ZFP82: variants seen among roughly 807,000 people sequenced by gnomAD.
ZFP82 encodes the protein zinc finger protein 82 homolog.
A neutral mutation model predicts 54.0 loss-of-function variants in ZFP82; 30 were observed. The observed-to-expected ratio is 0.56, with a 90% CI of 0.42 to 0.75. ZFP82 has a LOEUF of 0.75. ZFP82 is among the 30% of genes least tolerant of loss of function. The probability of loss-of-function intolerance (pLI) is 0.00; values close to 1 mark genes in which losing one functional copy is unlikely to be tolerated. For synonymous variants in ZFP82, 194 were observed against 209.5 expected (o/e 0.93, Z 0.64); for missense variants, 500 against 636.8 (o/e 0.79, Z 2.31).
intron 1 of ZFP82, among the ~76,000 whole-genome samples, chr19:36,416,519 G>C (rs1179248280): frequency 1.3e-5 from 2 of 152,158 alleles, no homozygotes; most frequent in East Asian, 3.9e-4. Context: ...CACTTTGGGA[G>C]GCCAAGGCGG....
At chr19:36,407,727 T>A (rs1568489336) in intron 3 of ZFP82, among the ~76,000 whole-genome samples, 160 bp downstream of exon 3, 1 of 152,258 alleles carries the variant, frequency 6.6e-6, no homozygotes. Flanking sequence ...ATGTGCTTAA[T>A]GAAGGTGCTC....
intron 1 of ZFP82, among the ~76,000 whole-genome samples, chr19:36,416,688 G>A (rs982653787): frequency 6.6e-6 from 1 of 150,878 alleles, no homozygotes; most frequent in South Asian, 2.1e-4. Context: ...CCTGGGAGGC[G>A]GAGGTTGCGG....
chr19:36,408,129 T>A, intron 2 of ZFP82, 116 bp from the exon 3 acceptor site: 4 of 1,225,720 alleles, frequency 3.3e-6, no homozygotes, highest in Non-Finnish European at 4.5e-6. Flanking sequence ...GAAAACAGGC[T>A]TGGGCTGGAA....
At position 36,392,233 on chromosome 19, in the gene ZFP82, T is replaced by C. The variant is rs1343296610; in HGVS notation, c.*508A>G. The C allele has an allele frequency of 1.3e-5, 2 of 153,454 alleles. No homozygotes were observed. The highest frequency in any genetic ancestry group is 4.8e-5 in the African/African-American group (2 of 41,448). 9.5% of individuals were successfully genotyped at this position (153,454 alleles called of 1,614,324 possible). On this transcript the variant is annotated 3_prime_UTR_variant, in exon 5 of 5. Coordinates refer to ENST00000392161, the MANE Select transcript of ZFP82 (RefSeq NM_133466.4). Reference sequence around the variant, plus strand: ...TCTTCATGTGGTCTCTTCAGCAAAGTAGCCAGACTTTGTAACAAGACAGTT... The same window carrying C: ...TCTTCATGTGGTCTCTTCAGCAAAGCAGCCAGACTTTGTAACAAGACAGTT...
At chr19:36,417,248 C>T (rs1490571706) in intron 1 of ZFP82, among the ~76,000 whole-genome samples, 1 of 152,028 alleles carries the variant, frequency 6.6e-6, no homozygotes, top group African/African-American at 2.4e-5. Flanking sequence ...CTTAAGAATA[C>T]ATAACTAAGG....
intron 1 of ZFP82, among the ~76,000 whole-genome samples, chr19:36,416,098 T>C (rs1263314095): frequency 6.6e-6 from 1 of 152,262 alleles, no homozygotes; most frequent in Non-Finnish European, 1.5e-5. Context: ...TTGTGAGTCA[T>C]CTTGTTCAAA....
intron 1 of ZFP82, among the ~76,000 whole-genome samples, chr19:36,413,055 G>T (rs999500295): frequency 6.6e-6 from 1 of 152,078 alleles, no homozygotes; most frequent in African/African-American, 2.4e-5. Context: ...CCACTTTTAG[G>T]AATTTATCGT....
chr19:36,396,665 T>G (rs1320548627), intron 4 of ZFP82, among the ~76,000 whole-genome samples: 2 of 151,092 alleles, frequency 1.3e-5, no homozygotes, highest in East Asian at 3.9e-4. Context: ...CAAAAAAAAA[T>G]ACATACATAA....
At chr19:36,408,182 A>G in intron 2 of ZFP82, among the ~76,000 whole-genome samples, 169 bp from the exon 3 acceptor site, 1 of 152,174 alleles carries the variant, frequency 6.6e-6, no homozygotes, top group Non-Finnish European at 1.5e-5. Context: ...GCCTGAAGCA[A>G]AGTGCCTGGG....
chr19:36,405,186 GAAAAAAA>G (rs35735133), intron 4 of ZFP82, among the ~76,000 whole-genome samples: 11 of 88,512 alleles, frequency 1.2e-4, no homozygotes, highest in African/African-American at 4.8e-4. Flanking sequence ...CTGCATCTCA[GAAAAAAA>G]AAAAAAAAAA....
Position 36,393,543 on chromosome 19 carries a change from C to T in ZFP82, c.797G>A (p.Arg266Gln), listed in dbSNP as rs765594280. 2 of 1,614,126 alleles carry T rather than the reference C, an allele frequency of 1.2e-6. No individual in the cohort carries two copies. The highest frequency in any genetic ancestry group is 1.7e-6 in the Non-Finnish European group (2 of 1,180,018). The part of the protein sequence containing the change: ...CKECGKAFRV[R>Q]GQLTLHQRIH... ...CCTCTGATGCAGAGTAAGTTGTCCT[C>T]GTACCCTAAAAGCCTTCCCACATTC... Residue 266 changes from arginine (R) to glutamine (Q), a missense_variant, in exon 5 of 5, where the codon CGA (arginine) becomes CAA (glutamine). By Grantham distance (43) the Arg-to-Gln change is conservative. Coordinates refer to ENST00000392161, the MANE Select transcript of ZFP82 (RefSeq NM_133466.4).
At chr19:36,417,190 T>G (rs2145604972) in intron 1 of ZFP82, among the ~76,000 whole-genome samples, 1 of 152,234 alleles carries the variant, frequency 6.6e-6, no homozygotes, top group Admixed American at 6.5e-5. Flanking sequence ...GTATTTTCAT[T>G]TTCCCCCCAT....
Position 36,414,364 on chromosome 19 carries a change from C to CTT in ZFP82, c.-79+4126_-79+4127dup, listed in dbSNP as rs1233064068. ...AACTAGGCTTGAAAATGTAATTCTA[C>CTT]TTTTTTTTTTTTTTTTTTGAGACAC... On this transcript the variant is annotated intron_variant, in intron 1 of 4. Transcript: ENST00000392161. Among the ~76,000 whole-genome samples, 307 of 130,952 alleles carry CTT rather than the reference C, an allele frequency of 2.3e-3. 2 individuals are homozygous for CTT. Among genetic ancestry groups the CTT allele is most frequent in the Middle Eastern group, 0.016 (4 of 256 alleles). 85.9% of individuals were successfully genotyped at this position (130,952 alleles called of 152,430 possible). A position where few individuals can be genotyped will look rare whatever the true frequency, so the allele number is the denominator to read the frequency against.
chr19:36,385,118 C>A (rs1466920375), downstream of ZFP82, among the ~76,000 whole-genome samples: 1 of 152,144 alleles, frequency 6.6e-6, no homozygotes, highest in African/African-American at 2.4e-5. Flanking sequence ...GGTGATTAGG[C>A]CATGAGGAGT....
chr19:36,411,525 C>T (rs999838665), intron 1 of ZFP82, among the ~76,000 whole-genome samples: 6 of 152,052 alleles, frequency 3.9e-5, no homozygotes, highest in African/African-American at 1.4e-4. Flanking sequence ...CACGCATACT[C>T]TTTGATTCAG....
intron 2 of ZFP82, among the ~76,000 whole-genome samples, chr19:36,409,433 C>T (rs561771229): frequency 5.6e-4 from 85 of 152,232 alleles, no homozygotes; most frequent in African/African-American, 1.7e-3. Context: ...TGCCCAGCCA[C>T]GACCCTTATC....
intron 4 of ZFP82, among the ~76,000 whole-genome samples, chr19:36,402,820 C>T (rs900717610): frequency 1.4e-4 from 22 of 151,816 alleles, no homozygotes; most frequent in Admixed American, 1.2e-3. Context: ...ATGGTTAAAC[C>T]CCATCTCTAC....
At position 36,393,556 on chromosome 19, in the gene ZFP82, C is replaced by T. The variant is rs549312052; in HGVS notation, c.784G>A (p.Ala262Thr). ...GTAAGTTGTCCTCGTACCCTAAAAG[C>T]CTTCCCACATTCTTTACATTCATAG... is the stretch of plus-strand genomic sequence containing the variant. ...KPYECKECGKAFRVRGQLTLH... is the reference protein window; with the variant it reads ...KPYECKECGKTFRVRGQLTLH... Residue 262 changes from alanine (A) to threonine (T), a missense_variant, in exon 5 of 5, where the codon GCT becomes ACT. Physicochemically the swap from Ala to Thr is moderately conservative, Grantham distance 58. Coordinates refer to ENST00000392161, the MANE Select transcript of ZFP82 (RefSeq NM_133466.4). 1 of 1,614,138 alleles carries T rather than the reference C, an allele frequency of 6.2e-7. No homozygotes were observed. The highest frequency in any genetic ancestry group is 8.5e-7 in the Non-Finnish European group (1 of 1,180,030).
Position 36,392,583 on chromosome 19 carries a change from G to C in ZFP82, c.*158C>G, listed in dbSNP as rs2032218316. The C allele has an allele frequency of 1.7e-6, 1 of 599,738 alleles. No homozygotes were observed. The highest frequency in any genetic ancestry group is 3.5e-5 in the Admixed American group (1 of 28,486). 37.2% of individuals were successfully genotyped at this position (599,738 alleles called of 1,614,324 possible). ...GATTAGTTTTTAGAACAAATATGCTGAAGTTTCAGGTTTGAGTGATGATGG... is the reference window on the plus strand; with the variant it reads ...GATTAGTTTTTAGAACAAATATGCTCAAGTTTCAGGTTTGAGTGATGATGG... On this transcript the variant is annotated 3_prime_UTR_variant, in exon 5 of 5. Transcript: ENST00000392161.
Sources: allele counts gnomAD v4.1 joint callset (sites outside exome capture counted in the v4.1 genomes callset), GRCh38; gene constraint gnomAD v4.1.1; transcripts MANE v1.5; gene names NCBI Gene and HGNC (gene_info 2026-07-23, HGNC 2026-07-21).